Variants in KCNQ5 observed in about 807,000 individuals in gnomAD.
KCNQ5 encodes potassium voltage-gated channel subfamily KQT member 5.
In KCNQ5, 30 loss-of-function variants were observed where a neutral mutation model predicts 98.2. That is an observed-to-expected ratio of 0.31 (90% CI 0.23 to 0.41). The LOEUF (loss-of-function observed/expected upper bound fraction) is 0.41, where lower values mean the gene tolerates loss of function less well. Ranked by LOEUF, KCNQ5 falls within the 10% of genes least tolerant of loss-of-function variation. KCNQ5 has a pLI of 1.00. For synonymous variants in KCNQ5, 458 were observed against 449.4 expected (o/e 1.02, Z -0.24); for missense variants, 835 against 1,182.5 (o/e 0.71, Z 4.31).
At chr6:73,042,146 T>G in intron 3 of KCNQ5, 84 bp downstream of exon 3, 1 of 1,524,766 alleles carries the variant, frequency 6.6e-7, no homozygotes, top group Admixed American at 1.7e-5. Flanking sequence ...TTGATTAATA[T>G]TAAAAGCTAA....
chr6:72,660,296 C>T (rs1766443642), intron 1 of KCNQ5, among the ~76,000 whole-genome samples: 1 of 152,166 alleles, frequency 6.6e-6, no homozygotes, highest in Non-Finnish European at 1.5e-5. Flanking sequence ...CTCAAGATCA[C>T]TTAAATTATG....
Position 72,826,186 on chromosome 6 carries a change from T to C in KCNQ5, c.399-177722T>C, listed in dbSNP as rs1354480336. Among the ~76,000 whole-genome samples the C allele has an allele frequency of 2.0e-5, 3 of 152,086 alleles. No homozygotes were observed. The East Asian group carries it at 5.8e-4, about 29-fold the overall frequency. On this transcript the variant is annotated intron_variant, in intron 1 of 13. Transcript: ENST00000370398. The stretch of plus-strand genomic sequence containing the variant: ...ATACCAATTCATTCGACTCTAACCA[T>C]CAAAAGATACATATACACATATATG...
intron 1 of KCNQ5, among the ~76,000 whole-genome samples, chr6:72,819,701 C>T (rs1314118035): frequency 6.6e-6 from 1 of 152,138 alleles, no homozygotes; most frequent in Non-Finnish European, 1.5e-5. Flanking sequence ...GGGCTCTGGC[C>T]GACAGGCTAG....
chr6:73,130,131 C>T (rs1349834838), intron 9 of KCNQ5, among the ~76,000 whole-genome samples: 1 of 152,222 alleles, frequency 6.6e-6, no homozygotes, highest in East Asian at 1.9e-4. Context: ...CTGCTGCACG[C>T]ACTGGATTGT....
At position 72,885,438 on chromosome 6, in the gene KCNQ5, A is replaced by G. The variant is rs1407752209; in HGVS notation, c.399-118470A>G. On this transcript the variant is annotated intron_variant, in intron 1 of 13. Coordinates refer to ENST00000370398, the MANE Select transcript of KCNQ5 (RefSeq NM_019842.4). ...CCAGGATTCCAAGTCCAGCTTAGGC[A>G]ACATAGTGAGACACTCTCTCTAAAA... 2.0e-5 allele frequency among the ~76,000 whole-genome samples: 3 copies of G among 152,224 alleles called. No homozygotes were observed. The East Asian group carries it at 5.8e-4, about 29-fold the overall frequency.
At chr6:72,780,983 A>G (rs1773435277) in intron 1 of KCNQ5, among the ~76,000 whole-genome samples, 1 of 152,156 alleles carries the variant, frequency 6.6e-6, no homozygotes. Flanking sequence ...TCTTGTTTAT[A>G]TCTAAACATA....
chr6:73,035,985 T>TTGTGTGTGTGTGTGTGTG (rs70994155), intron 2 of KCNQ5, among the ~76,000 whole-genome samples: 9 of 140,536 alleles, frequency 6.4e-5, no homozygotes, highest in East Asian at 4.2e-4. Context: ...TTGAATACAT[T>TTGTGTGTGTGTGTGTGTG]TGTGTGTGTG....
At chr6:73,124,702 AACTC>A (rs1349626455) in intron 9 of KCNQ5, 190 bp downstream of exon 9, 11 of 608,562 alleles carry the variant, frequency 1.8e-5, no homozygotes, top group Non-Finnish European at 3.2e-5. Flanking sequence ...GTCTTTCCCT[AACTC>A]ACTCCCTGCT....
intron 1 of KCNQ5, among the ~76,000 whole-genome samples, chr6:72,940,451 A>G (rs1766169556): frequency 6.6e-6 from 1 of 152,066 alleles, no homozygotes; most frequent in Non-Finnish European, 1.5e-5. Context: ...AGCCCTACTC[A>G]TGCCCCAGCA....
chr6:73,106,139 G>A (rs1774989260), intron 6 of KCNQ5, among the ~76,000 whole-genome samples: 2 of 151,816 alleles, frequency 1.3e-5, no homozygotes, highest in Non-Finnish European at 2.9e-5. Context: ...TCCAGACACA[G>A]CTCAAGCTGT....
At chr6:73,009,223 C>A (rs1280705190) in intron 2 of KCNQ5, among the ~76,000 whole-genome samples, 3 of 152,068 alleles carry the variant, frequency 2.0e-5, no homozygotes, top group African/African-American at 4.8e-5. Flanking sequence ...AACTCCTGAC[C>A]TCAAGTGATC....
chr6:72,739,258 A>G (rs760701261), intron 1 of KCNQ5, among the ~76,000 whole-genome samples: 12 of 152,214 alleles, frequency 7.9e-5, no homozygotes, highest in Admixed American at 5.9e-4. Context: ...ATGAATTAAT[A>G]TGAGAATTGC....
chr6:72,954,210 G>A (rs996651053), intron 1 of KCNQ5, among the ~76,000 whole-genome samples: 1 of 152,216 alleles, frequency 6.6e-6, no homozygotes, highest in Non-Finnish European at 1.5e-5. Flanking sequence ...CCAACTATAG[G>A]TCTGTGTTAG....
intron 1 of KCNQ5, among the ~76,000 whole-genome samples, chr6:72,886,201 A>G (rs1562046549): frequency 6.6e-6 from 1 of 152,204 alleles, no homozygotes; most frequent in Non-Finnish European, 1.5e-5. Context: ...TAAAATCTTC[A>G]ATGAATAAAA....
chr6:72,939,547 C>T (rs1408047212), intron 1 of KCNQ5, among the ~76,000 whole-genome samples: 1 of 152,224 alleles, frequency 6.6e-6, no homozygotes, highest in Non-Finnish European at 1.5e-5. Context: ...AGACACCTCT[C>T]CACTAAGCAC....
chr6:72,823,295 C>T (rs1425647418), intron 1 of KCNQ5, among the ~76,000 whole-genome samples: 1 of 152,114 alleles, frequency 6.6e-6, no homozygotes, highest in Admixed American at 6.6e-5. Flanking sequence ...ATATTTACCA[C>T]ATAGTCTTAA....
rs1488524278 is a variant in KCNQ5, at chr6:72,622,435, G to T, written c.246G>T (p.Lys82Asn). The change falls in exon 1 of 14, where the codon AAG becomes AAT. Residue 82 changes from lysine (K) to asparagine (N), a missense_variant. Transcript: ENST00000370398. The surrounding 1 kb of genome is among the most constrained non-coding windows in gnomAD (Gnocchi z 6.0). ...GGGLRESRRG[K>N]QGARMSLLGK... ...GCCTGAGGGAGAGCCGCCGGGGCAA[G>T]CAGGGGGCCCGGATGAGCCTGCTGG... 4.5e-6 allele frequency: 7 copies of T among 1,555,664 alleles called. No individual in the cohort carries two copies. Among genetic ancestry groups the T allele is most frequent in the Non-Finnish European group, 6.1e-6 (7 of 1,150,696 alleles).
At chr6:73,051,764 A>G (rs914154791) in intron 3 of KCNQ5, among the ~76,000 whole-genome samples, 1 of 150,308 alleles carries the variant, frequency 6.7e-6, no homozygotes, top group African/African-American at 2.4e-5. Flanking sequence ...AGCAATTTCA[A>G]AGACTGAAGG....
At chr6:72,794,333 C>T (rs1774213412) in intron 1 of KCNQ5, among the ~76,000 whole-genome samples, 1 of 150,184 alleles carries the variant, frequency 6.7e-6, no homozygotes, top group South Asian at 2.1e-4. Flanking sequence ...TTAAAGTGAA[C>T]CAAAGAGGAG....
Sources: gnomAD v4.1 joint callset for allele counts (sites outside exome capture counted in the v4.1 genomes callset) on GRCh38, gnomAD v4.1.1 for gene constraint, Gnocchi (gnomAD v3.1) non-coding constraint, MANE v1.5 for transcripts, NCBI Gene and HGNC (gene_info 2026-07-23, HGNC 2026-07-21) for gene names.